The following DNAJC7 variants were observed in gnomAD, a reference collection of about 807,000 sequenced individuals.
The protein encoded by DNAJC7 is DnaJ heat shock protein family (Hsp40) member C7.
Under a neutral mutation model 67.4 loss-of-function variants are expected in DNAJC7, and 18 were observed. The observed-to-expected ratio is 0.27, with a 90% CI of 0.18 to 0.40. The LOEUF (loss-of-function observed/expected upper bound fraction) is 0.40. Among genes scored for constraint, DNAJC7 ranks in the 10% least tolerant of loss-of-function variants. The pLI is 1.00. For missense variants in DNAJC7, 419 were observed against 613.8 expected (o/e 0.68, Z 3.35); for synonymous variants, 220 against 207.8 (o/e 1.06, Z -0.50).
At chr17:41,982,097 G>A (rs2051266213) in intron 11 of DNAJC7, 90 bp from the exon 12 acceptor site, 7 of 1,566,066 alleles carry the variant, frequency 4.5e-6, no homozygotes, top group African/African-American at 2.7e-5. Flanking sequence ...GTCTAATTTT[G>A]GAATTTGGCA....
Position 41,983,865 on chromosome 17 carries a change from C to T in DNAJC7, c.1011-229G>A, listed in dbSNP as rs1027665465. Among the ~76,000 whole-genome samples the T allele has an allele frequency of 7.9e-5, 12 of 152,304 alleles. No individual in the cohort carries two copies. In the East Asian group the frequency reaches 2.3e-3, roughly 29 times the overall value. On this transcript the variant is annotated intron_variant, in intron 9 of 13. Transcript: ENST00000457167. ...TGCATCCAACCAGCAAAGTGATGTTCAGCTTTGAGCAGAAAGTAATCAAGA... is the reference window on the plus strand; with the variant it reads ...TGCATCCAACCAGCAAAGTGATGTTTAGCTTTGAGCAGAAAGTAATCAAGA...
At chr17:42,009,017 T>C (rs560269665) in intron 1 of DNAJC7, among the ~76,000 whole-genome samples, 65 of 152,310 alleles carry the variant, frequency 4.3e-4, no homozygotes, top group African/African-American at 1.5e-3. Context: ...GCCATAGATA[T>C]ATGACTTGGA....
rs1023293738 is a variant in DNAJC7, at chr17:42,008,018, A to T, written c.78-7448T>A. ...GTGCCCGGTAAGAAGTTTCTTTTTT[A>T]AAAAAAAATCTAGGCTGGGCAAGGT... On this transcript the variant is annotated intron_variant, in intron 1 of 13. Coordinates refer to ENST00000457167, the MANE Select transcript of DNAJC7 (RefSeq NM_003315.4). Among the ~76,000 whole-genome samples the T allele has an allele frequency of 3.3e-5, 5 of 150,378 alleles. No individual in the cohort carries two copies. The East Asian group carries it at 5.9e-4, about 18-fold the overall frequency.
chr17:41,998,609 A>G (rs915333814), intron 2 of DNAJC7, among the ~76,000 whole-genome samples: 4 of 152,226 alleles, frequency 2.6e-5, no homozygotes, highest in Admixed American at 6.5e-5. Flanking sequence ...GCAGCTTATT[A>G]ATCTTAATGA....
intron 1 of DNAJC7, chr17:42,011,341 T>C (rs2052110495): frequency 6.6e-6 from 1 of 152,238 alleles, no homozygotes; most frequent in Non-Finnish European, 1.5e-5. Flanking sequence ...ATCAGAGTTC[T>C]GTTTGTTGGG....
rs1054578328 is a variant in DNAJC7 at position 41,976,682 on chromosome 17, G to C, written c.*51C>G. The C allele has an allele frequency of 6.2e-7, 1 of 1,600,598 alleles. No homozygotes were observed. Among genetic ancestry groups the C allele is most frequent in the Non-Finnish European group, 8.5e-7 (1 of 1,175,054 alleles). ...GGAGGTGAACTGTTTCCACATTCAA[G>C]ATTAAACTGAGTGAATCTGCATTTT... On this transcript the variant is annotated 3_prime_UTR_variant, in exon 14 of 14. Coordinates refer to ENST00000457167, the MANE Select transcript of DNAJC7 (RefSeq NM_003315.4).
At chr17:42,000,010 G>C (rs1287957626) in intron 2 of DNAJC7, among the ~76,000 whole-genome samples, 2 of 147,444 alleles carry the variant, frequency 1.4e-5, no homozygotes, top group Non-Finnish European at 3.0e-5. Context: ...GTAGAGACAG[G>C]GTTTCGTCAT....
chr17:42,013,768 A>G (rs1370612575), intron 1 of DNAJC7: 1 of 152,228 alleles, frequency 6.6e-6, no homozygotes, highest in Non-Finnish European at 1.5e-5. Context: ...TACATAAACA[A>G]GGCTTTTTCA....
At chr17:41,998,975 C>G (rs1294419965) in intron 2 of DNAJC7, among the ~76,000 whole-genome samples, 1 of 151,710 alleles carries the variant, frequency 6.6e-6, no homozygotes, top group Non-Finnish European at 1.5e-5. Flanking sequence ...CGCTTGAGCC[C>G]AGGAGTTTGA....
chr17:41,995,451 C>T (rs1161920029), intron 4 of DNAJC7, among the ~76,000 whole-genome samples: 1 of 152,230 alleles, frequency 6.6e-6, no homozygotes, highest in Non-Finnish European at 1.5e-5. Flanking sequence ...TACAGTCATA[C>T]ACTCTGGTCA....
intron 3 of DNAJC7, among the ~76,000 whole-genome samples, chr17:41,996,853 G>A (rs575591522): frequency 6.6e-6 from 1 of 152,120 alleles, no homozygotes; most frequent in African/African-American, 2.4e-5. Flanking sequence ...TTCTCAACCT[G>A]GGCAATGTGC....
At chr17:42,007,168 T>C (rs1555650471) in intron 1 of DNAJC7, among the ~76,000 whole-genome samples, 1 of 152,160 alleles carries the variant, frequency 6.6e-6, no homozygotes, top group Admixed American at 6.6e-5. Context: ...TAATACTTTA[T>C]ACTGCCAATG....
At chr17:41,981,166 C>T (rs551968871) in intron 12 of DNAJC7, among the ~76,000 whole-genome samples, 6 of 152,238 alleles carry the variant, frequency 3.9e-5, no homozygotes, top group African/African-American at 1.4e-4. Context: ...TGCACCACCA[C>T]ACCTGGCTAA....
intron 12 of DNAJC7, chr17:41,977,598 T>TGGA: frequency 3.1e-6 from 1 of 323,978 alleles, no homozygotes; most frequent in African/African-American, 2.1e-5. Flanking sequence ...TTGGGCTGTT[T>TGGA]TCTCAACAAA....
At chr17:42,008,656 C>T (rs1057336847) in intron 1 of DNAJC7, among the ~76,000 whole-genome samples, 19 of 152,068 alleles carry the variant, frequency 1.2e-4, no homozygotes, top group African/African-American at 3.9e-4. Context: ...ATGATCCGCC[C>T]GCCTCGGCCT....
At chr17:42,016,017 G>A (rs1457016653) in intron 1 of DNAJC7, 2 of 152,182 alleles carry the variant, frequency 1.3e-5, no homozygotes, top group Non-Finnish European at 2.9e-5. Context: ...ATGTATAAGG[G>A]TTGATGATGC....
chr17:41,978,557 T>C (rs903176873), intron 12 of DNAJC7, among the ~76,000 whole-genome samples: 3 of 152,156 alleles, frequency 2.0e-5, no homozygotes. Flanking sequence ...TGGTCCACAG[T>C]GCCCCTACTT....
chr17:41,994,763 A>G (rs2143223019), intron 5 of DNAJC7, 107 bp downstream of exon 5: 1 of 884,616 alleles, frequency 1.1e-6, no homozygotes, highest in Non-Finnish European at 1.8e-6. Flanking sequence ...ATAATTTACT[A>G]TTCTAGAGCT....
chr17:41,977,082 G>T lies in DNAJC7; in HGVS notation c.1447+179C>A, dbSNP rs1415238195. 6 of 705,122 alleles carry T rather than the reference G, an allele frequency of 8.5e-6. No homozygotes were observed. The East Asian group carries it at 1.4e-4, about 16-fold the overall frequency. The allele number at this position is 705,122 out of a possible 1,614,324, so 43.7% of individuals were successfully genotyped here. ...GTGGCTAAAGGTCCCAAGGCAAGGG[G>T]TGCCTGGGAACCTTCCTGTCTTCAT... On this transcript the variant is annotated intron_variant, in intron 13 of 13. Coordinates refer to ENST00000457167, the MANE Select transcript of DNAJC7 (RefSeq NM_003315.4).
Sources: allele counts gnomAD v4.1 joint callset (sites outside exome capture counted in the v4.1 genomes callset), GRCh38; gene constraint gnomAD v4.1.1; transcripts MANE v1.5; gene names NCBI Gene and HGNC (gene_info 2026-07-23, HGNC 2026-07-21).